GFRA1: variants seen among roughly 807,000 people sequenced by gnomAD.
The protein encoded by GFRA1 is GDNF family receptor alpha-1.
GFRA1 carries 16 observed loss-of-function variants against 51.6 expected under a neutral mutation model. That is an observed-to-expected ratio of 0.31 (90% confidence interval 0.21 to 0.47). The LOEUF is 0.47. GFRA1 is among the 20% of genes least tolerant of loss of function. The probability of loss-of-function intolerance (pLI) is 1.00; values close to 1 mark genes in which losing one functional copy is unlikely to be tolerated. For synonymous variants in GFRA1, 270 were observed against 241.3 expected (o/e 1.12, Z -1.10); for missense variants, 530 against 594.3 (o/e 0.89, Z 1.13).
At chr10:116,087,814 G>A (rs1956160214) in intron 9 of GFRA1, among the ~76,000 whole-genome samples, 1 of 152,150 alleles carries the variant, frequency 6.6e-6, no homozygotes, top group African/African-American at 2.4e-5. Flanking sequence ...CCTGGCTCTA[G>A]GCCTGCTTTC....
At position 116,096,796 on chromosome 10, in the gene GFRA1, A is replaced by T. The variant is rs371331991; in HGVS notation, c.771-32T>A. 3.3e-6 allele frequency: 4 copies of T among 1,220,454 alleles called. No individual in the cohort carries two copies. In the African/African-American group the frequency reaches 5.9e-5, roughly 18 times the overall value. The allele number at this position is 1,220,454 out of a possible 1,614,324, so 75.6% of individuals were successfully genotyped here. A position where few individuals can be genotyped will look rare whatever the true frequency, so the allele number is the denominator to read the frequency against. On this transcript the variant is annotated intron_variant, in intron 6 of 10. Coordinates refer to ENST00000355422, the MANE Select transcript of GFRA1 (RefSeq NM_005264.8). ...TAGGAAAAAAGGGGTGGGGGGTGGAAATGTGCTTTAAAACATCCTAAGCCT... is the reference window on the plus strand; with the variant it reads ...TAGGAAAAAAGGGGTGGGGGGTGGATATGTGCTTTAAAACATCCTAAGCCT...
rs138779826 is a variant in GFRA1 at position 116,189,980 on chromosome 10, C to T, written c.433+21651G>A. ...CAAATGCTCCCTAGGGAGGTATTTCCGGCCTGATGAGAGCCCCAGGCGAGG... is the reference window on the plus strand; with the variant it reads ...CAAATGCTCCCTAGGGAGGTATTTCTGGCCTGATGAGAGCCCCAGGCGAGG... On this transcript the variant is annotated intron_variant, in intron 5 of 10. Transcript: ENST00000355422. Among the ~76,000 whole-genome samples, 298 of 152,064 alleles carry T rather than the reference C, an allele frequency of 2.0e-3. 1 individual carries two copies. The highest frequency in any genetic ancestry group is 6.2e-3 in the South Asian group (30 of 4,806).
chr10:116,098,944 C>G (rs78862610), intron 6 of GFRA1, among the ~76,000 whole-genome samples: 2,608 of 152,262 alleles, frequency 0.017, 68 homozygotes, highest in African/African-American at 0.059. Flanking sequence ...GAGAGATCAT[C>G]GGCACATATC....
At chr10:116,132,355 G>A (rs1958139240) in intron 5 of GFRA1, among the ~76,000 whole-genome samples, 1 of 152,090 alleles carries the variant, frequency 6.6e-6, no homozygotes, top group Non-Finnish European at 1.5e-5. Flanking sequence ...TGGACATATG[G>A]GCGCTCATAC....
intron 4 of GFRA1, among the ~76,000 whole-genome samples, chr10:116,235,858 G>A (rs528472425): frequency 9.2e-5 from 14 of 152,102 alleles, no homozygotes; most frequent in East Asian, 1.9e-4. Context: ...GATGGTGGCC[G>A]CCATCTTGTA....
At chr10:116,079,935 T>A (rs114412258) in intron 9 of GFRA1, among the ~76,000 whole-genome samples, 7,841 of 152,112 alleles carry the variant, frequency 0.052, 688 homozygotes, top group African/African-American at 0.18. Context: ...TCATCCTTTG[T>A]CTTATCCATA....
At chr10:116,069,333 C>T (rs552181723) in intron 9 of GFRA1, among the ~76,000 whole-genome samples, 1 of 152,210 alleles carries the variant, frequency 6.6e-6, no homozygotes, top group African/African-American at 2.4e-5. Context: ...TTAGGGGAAG[C>T]TGCCTGACTC....
At chr10:116,204,195 C>T (rs888851616) in intron 5 of GFRA1, among the ~76,000 whole-genome samples, 5 of 152,308 alleles carry the variant, frequency 3.3e-5, no homozygotes, top group African/African-American at 1.2e-4. Context: ...AGGTGTCTTA[C>T]CATGGGAGTG....
intron 6 of GFRA1, among the ~76,000 whole-genome samples, chr10:116,122,414 C>G (rs1715208665): frequency 6.6e-6 from 1 of 152,160 alleles, no homozygotes; most frequent in African/African-American, 2.4e-5. Flanking sequence ...TCCCTGCTAT[C>G]AGGGATGTCA....
rs1434918528 is a variant in GFRA1 at position 116,058,095 on chromosome 10, A to AGGTCCAG, written c.*6296_*6302dup. On this transcript the variant is annotated 3_prime_UTR_variant, in exon 11 of 11. Transcript: ENST00000355422. ...AGCCTTATGTGCCAGCGAACTGAGA[A>AGGTCCAG]GGTCCAGGGTACCTTCACCTGCACT... The AGGTCCAG allele has an allele frequency of 1.3e-5, 2 of 150,726 alleles. No homozygotes were observed. Among genetic ancestry groups the AGGTCCAG allele is most frequent in the Non-Finnish European group, 2.9e-5 (2 of 68,106 alleles). 9.3% of individuals were successfully genotyped at this position (150,726 alleles called of 1,614,324 possible).
chr10:116,164,082 G>C (rs1008019896), intron 5 of GFRA1, among the ~76,000 whole-genome samples: 1 of 152,114 alleles, frequency 6.6e-6, no homozygotes, highest in Non-Finnish European at 1.5e-5. Context: ...AGCAAAGGAC[G>C]GCCACTCTTC....
intron 4 of GFRA1, among the ~76,000 whole-genome samples, chr10:116,241,447 C>A (rs898878454): frequency 5.3e-5 from 8 of 152,310 alleles, no homozygotes; most frequent in Middle Eastern, 3.4e-3. Flanking sequence ...GTCTCAGAAG[C>A]CTCTGAGCTG....
chr10:116,265,174 A>G (rs1969565552), intron 4 of GFRA1, among the ~76,000 whole-genome samples: 1 of 152,124 alleles, frequency 6.6e-6, no homozygotes, highest in Non-Finnish European at 1.5e-5. Flanking sequence ...GAATCTGGAG[A>G]TCCTAAGGCT....
intron 5 of GFRA1, among the ~76,000 whole-genome samples, chr10:116,175,381 T>C (rs543882715): frequency 1.3e-5 from 2 of 152,276 alleles, no homozygotes; most frequent in East Asian, 3.9e-4. Context: ...TTGACATTTA[T>C]CAGGAAGCCT....
chr10:116,126,786 A>G (rs1261252757), intron 5 of GFRA1, among the ~76,000 whole-genome samples: 1 of 152,182 alleles, frequency 6.6e-6, no homozygotes, highest in African/African-American at 2.4e-5. Context: ...CCAGGAAGGC[A>G]TTTAGGAAAT....
At chr10:116,122,829 C>A (rs1357093782) in intron 6 of GFRA1, among the ~76,000 whole-genome samples, 1 of 152,196 alleles carries the variant, frequency 6.6e-6, no homozygotes, top group African/African-American at 2.4e-5. Flanking sequence ...CATTTCTACC[C>A]CATACAGCTT....
At chr10:116,266,188 CTT>C (rs766236176) in intron 4 of GFRA1, among the ~76,000 whole-genome samples, 3 of 152,142 alleles carry the variant, frequency 2.0e-5, no homozygotes, top group Non-Finnish European at 2.9e-5. Flanking sequence ...TCAAACATGT[CTT>C]GTTCCTTGCG....
chr10:116,202,257 G>A (rs1964395633), intron 5 of GFRA1, among the ~76,000 whole-genome samples: 1 of 152,150 alleles, frequency 6.6e-6, no homozygotes, highest in Non-Finnish European at 1.5e-5. Context: ...CCCACTTGAG[G>A]GGTGGGGTGA....
chr10:116,090,048 C>T (rs1006857798), intron 8 of GFRA1, 126 bp from the exon 9 acceptor site: 1 of 883,156 alleles, frequency 1.1e-6, no homozygotes. Flanking sequence ...GAACAAAACG[C>T]ATCCATCCAT....
Sources: allele counts gnomAD v4.1 joint callset (sites outside exome capture counted in the v4.1 genomes callset), GRCh38; gene constraint gnomAD v4.1.1; transcripts MANE v1.5; gene names NCBI Gene and HGNC (gene_info 2026-07-23, HGNC 2026-07-21).